CFAP91: variants seen among roughly 807,000 people sequenced by gnomAD.
CFAP91 encodes the protein cilia- and flagella-associated protein 91.
Under a neutral mutation model 95.9 loss-of-function variants are expected in CFAP91, and 85 were observed. The ratio of observed to expected loss-of-function variants is 0.89; its 90% confidence interval spans 0.74 to 1.06. The LOEUF is 1.06. CFAP91 is among the 50% of genes least tolerant of loss of function. The pLI is 0.00. For synonymous variants in CFAP91, 335 were observed against 327.5 expected (o/e 1.02, Z -0.25); for missense variants, 962 against 943.4 (o/e 1.02, Z -0.26).
Position 119,709,904 on chromosome 3 carries a change from C to A in CFAP91, c.500+9C>A. The stretch of plus-strand genomic sequence containing the variant: ...GTTTATGCCGTATCCAAGTAAGTAA[C>A]CATTATTTGAAAACTCTTTTTCAGT... On this transcript the variant is annotated intron_variant, in intron 5 of 17. Coordinates refer to ENST00000273390, the MANE Select transcript of CFAP91 (RefSeq NM_033364.4). 1 of 1,594,694 alleles carries A rather than the reference C, an allele frequency of 6.3e-7. No individual in the cohort carries two copies. The highest frequency in any genetic ancestry group is 8.6e-7 in the Non-Finnish European group (1 of 1,163,578).
At chr3:119,725,664 G>T (rs1197263704) in intron 6 of CFAP91, among the ~76,000 whole-genome samples, 1 of 152,056 alleles carries the variant, frequency 6.6e-6, no homozygotes, top group Non-Finnish European at 1.5e-5. Context: ...GGCTGAGGTG[G>T]GGGGATCATT....
At chr3:119,737,083 A>C (rs1277222925) in intron 10 of CFAP91, among the ~76,000 whole-genome samples, 2 of 152,220 alleles carry the variant, frequency 1.3e-5, no homozygotes, top group African/African-American at 2.4e-5. Context: ...GGAATATCAT[A>C]GCACGTCTTG....
chr3:119,761,058 AATAAT>A (rs1055604819), intron 17 of CFAP91, among the ~76,000 whole-genome samples: 2 of 151,830 alleles, frequency 1.3e-5, no homozygotes, highest in African/African-American at 2.4e-5. Context: ...AAACTAGAAA[AATAAT>A]AGAAAAGATC....
chr3:119,754,921 A>G (rs1287639536), intron 17 of CFAP91, among the ~76,000 whole-genome samples: 3 of 152,214 alleles, frequency 2.0e-5, no homozygotes, highest in Admixed American at 6.5e-5. Flanking sequence ...AAAGAAGACT[A>G]TACTCAAGAA....
chr3:119,749,190 C>T (rs1035793391), intron 16 of CFAP91: 4 of 152,056 alleles, frequency 2.6e-5, no homozygotes, highest in Non-Finnish European at 5.9e-5. Flanking sequence ...TGAATTCCAC[C>T]CTAGGATTGA....
rs2054098523 is a variant in CFAP91 at position 119,740,619 on chromosome 3, A to G, written c.1604A>G (p.Asp535Gly). The change falls in exon 13 of 18, where the codon GAT (aspartate) becomes GGT (glycine). Residue 535 changes from aspartate to glycine, a missense_variant. Coordinates refer to ENST00000273390, the MANE Select transcript of CFAP91 (RefSeq NM_033364.4). Reference sequence around the variant, plus strand: ...CGCACCTGCCACGCACTACAAGAAGATGAAAAGCTGGTGAAAAAAGCCGAG... The same window carrying G: ...CGCACCTGCCACGCACTACAAGAAGGTGAAAAGCTGGTGAAAAAAGCCGAG... ...ELRTCHALQE[D>G]EKLVKKAEKQ... The G allele has an allele frequency of 4.3e-6, 7 of 1,614,104 alleles. No homozygotes were observed. Among genetic ancestry groups the G allele is most frequent in the East Asian group, 2.2e-5 (1 of 44,902 alleles).
intron 13 of CFAP91, among the ~76,000 whole-genome samples, chr3:119,742,145 C>A (rs1047506603): frequency 6.6e-6 from 1 of 152,168 alleles, no homozygotes; most frequent in Admixed American, 6.5e-5. Context: ...TCATTTATTC[C>A]ATTTAGTGGA....
intron 10 of CFAP91, among the ~76,000 whole-genome samples, chr3:119,734,953 A>G (rs1423975922): frequency 2.0e-5 from 3 of 152,196 alleles, no homozygotes; most frequent in Non-Finnish European, 4.4e-5. Context: ...ATTTCTTTAC[A>G]ACTTATAGAA....
At position 119,730,184 on chromosome 3, in the gene CFAP91, C is replaced by T. The variant is rs1430131294; in HGVS notation, c.861-36C>T. 3.1e-6 allele frequency: 5 copies of T among 1,599,008 alleles called. No homozygotes were observed. The Admixed American group carries it at 6.8e-5, about 22-fold the overall frequency. The stretch of plus-strand genomic sequence containing the variant: ...GTTCCCTTGCCCTCTGTTTGAGATG[C>T]CATATGCTTCTTTATGTTTTGTAAT... On this transcript the variant is annotated intron_variant, in intron 7 of 17. Coordinates refer to ENST00000273390, the MANE Select transcript of CFAP91 (RefSeq NM_033364.4).
chr3:119,744,461 G>A (rs1219612371), intron 14 of CFAP91, among the ~76,000 whole-genome samples: 1 of 152,154 alleles, frequency 6.6e-6, no homozygotes, highest in Non-Finnish European at 1.5e-5. Context: ...AACAAATAGG[G>A]CCCAGAGACA....
intron 5 of CFAP91, among the ~76,000 whole-genome samples, chr3:119,714,444 T>C (rs914467728): frequency 6.6e-6 from 1 of 152,128 alleles, no homozygotes; most frequent in Admixed American, 6.5e-5. Flanking sequence ...CCTATTTGTA[T>C]TTCCATCAAC....
At chr3:119,713,945 G>A (rs139205471) in intron 5 of CFAP91, among the ~76,000 whole-genome samples, 15 of 151,968 alleles carry the variant, frequency 9.9e-5, no homozygotes, top group Non-Finnish European at 1.8e-4. Flanking sequence ...AACAATTCTC[G>A]TATTGATGTG....
intron 6 of CFAP91, among the ~76,000 whole-genome samples, chr3:119,720,204 T>C (rs10048954): frequency 0.78 from 116,236 of 149,800 alleles, 46,250 homozygotes; most frequent in Middle Eastern, 0.88. Flanking sequence ...TTGGCTAACA[T>C]GGTGAAACCC....
At position 119,740,702 on chromosome 3, in the gene CFAP91, C is replaced by CT; in HGVS notation, c.1680+14dup. ...GAACTTGCATGAGCACAAGGTTTTCCTTTTTTTGTTTTCTTGTTACTTTCT... is the reference window on the plus strand; with the variant it reads ...GAACTTGCATGAGCACAAGGTTTTCCTTTTTTTTGTTTTCTTGTTACTTTCT... On this transcript the variant is annotated splice_region_variant and intron_variant, in intron 13 of 17. Transcript: ENST00000273390. 6 of 1,611,998 alleles carry CT rather than the reference C, an allele frequency of 3.7e-6. No homozygotes were observed. Among genetic ancestry groups the CT allele is most frequent in the Non-Finnish European group, 5.1e-6 (6 of 1,178,910 alleles).
chr3:119,715,635 C>A lies in CFAP91; in HGVS notation c.574C>A (p.Gln192Lys), dbSNP rs1260134540. 3.1e-6 allele frequency: 5 copies of A among 1,613,424 alleles called. No homozygotes were observed. Among genetic ancestry groups the A allele is most frequent in the Non-Finnish European group, 4.2e-6 (5 of 1,179,466 alleles). Residue 192 changes from glutamine to lysine, a missense_variant, in exon 6 of 18, where the codon CAG (glutamine) becomes AAG (lysine). By Grantham distance (53) the Gln-to-Lys change is moderately conservative. Transcript: ENST00000273390. ...CCCTTCAAAGTCTACTGTGGGCACTCAGACTGATTATCGGGATGCTGACGT... is the reference window on the plus strand; with the variant it reads ...CCCTTCAAAGTCTACTGTGGGCACTAAGACTGATTATCGGGATGCTGACGT... ...SIPSKSTVGT[Q>K]TDYRDADVQT...
intron 6 of CFAP91, among the ~76,000 whole-genome samples, chr3:119,719,162 C>T (rs535376956): frequency 2.0e-4 from 31 of 152,178 alleles, no homozygotes; most frequent in Non-Finnish European, 1.0e-4. Flanking sequence ...TATATAATTG[C>T]GTATATAATG....
chr3:119,730,074 A>G (rs763075363), intron 7 of CFAP91, 146 bp from the exon 8 acceptor site: 3 of 733,980 alleles, frequency 4.1e-6, no homozygotes, highest in South Asian at 3.7e-5. Flanking sequence ...CCCTCAATTC[A>G]TCTGTCATAC....
chr3:119,736,255 C>CTTTCTTTCTAT (rs2054001577), intron 10 of CFAP91, among the ~76,000 whole-genome samples: 1 of 145,848 alleles, frequency 6.9e-6, no homozygotes, highest in South Asian at 2.2e-4. Flanking sequence ...CACTATTCTA[C>CTTTCTTTCTAT]TTTCTTTCTA....
chr3:119,703,732 C>G (rs565272441), intron 1 of CFAP91, among the ~76,000 whole-genome samples: 1 of 152,098 alleles, frequency 6.6e-6, no homozygotes, highest in Non-Finnish European at 1.5e-5. Flanking sequence ...TCCTCTTGGG[C>G]CAATAAAACC....
Sources: gnomAD v4.1 joint callset for allele counts (sites outside exome capture counted in the v4.1 genomes callset) on GRCh38, gnomAD v4.1.1 for gene constraint, MANE v1.5 for transcripts, NCBI Gene and HGNC (gene_info 2026-07-23, HGNC 2026-07-21) for gene names.